Variants in SUGCT observed in about 807,000 individuals in gnomAD.
SUGCT encodes succinyl-CoA:glutarate-CoA transferase, also known as succinyl-CoA:glutarate CoA-transferase.
SUGCT carries 41 observed loss-of-function variants against 55.0 expected under a neutral mutation model. The observed-to-expected ratio is 0.74, with a 90% CI of 0.58 to 0.97. The LOEUF (loss-of-function observed/expected upper bound fraction) is 0.97. SUGCT is among the 50% of genes least tolerant of loss of function. SUGCT has a pLI of 0.00. For missense variants in SUGCT, 568 were observed against 547.8 expected (o/e 1.04, Z -0.37); for synonymous variants, 187 against 200.4 (o/e 0.93, Z 0.56).
intron 9 of SUGCT, among the ~76,000 whole-genome samples, chr7:40,324,651 A>G (rs953376674): frequency 6.6e-6 from 1 of 152,156 alleles, no homozygotes; most frequent in Non-Finnish European, 1.5e-5. Context: ...ATGTGCTACT[A>G]TACAGGACTC....
At chr7:40,335,102 A>T (rs1020209857) in intron 9 of SUGCT, among the ~76,000 whole-genome samples, 3 of 151,996 alleles carry the variant, frequency 2.0e-5, no homozygotes, top group East Asian at 1.9e-4. Flanking sequence ...GTTCTGTTCC[A>T]TTGGTCTATA....
chr7:40,640,333 G>T (rs1800214622), intron 12 of SUGCT, among the ~76,000 whole-genome samples: 1 of 152,108 alleles, frequency 6.6e-6, no homozygotes, highest in Non-Finnish European at 1.5e-5. Context: ...CCTTATCCTG[G>T]ATATATTTTG....
chr7:40,526,396 C>G (rs1793799404), intron 12 of SUGCT, among the ~76,000 whole-genome samples: 1 of 152,180 alleles, frequency 6.6e-6, no homozygotes, highest in Non-Finnish European at 1.5e-5. Flanking sequence ...GACTTCTCTA[C>G]TTGTTACTGA....
chr7:40,413,777 G>C (rs1786821773), intron 9 of SUGCT, among the ~76,000 whole-genome samples: 1 of 152,080 alleles, frequency 6.6e-6, no homozygotes, highest in East Asian at 1.9e-4. Context: ...TCCATAAAAA[G>C]AATGCACAAA....
chr7:40,977,446 G>A, the SUGCT span, among the ~76,000 whole-genome samples: 2 of 152,144 alleles, frequency 1.3e-5, no homozygotes, highest in Non-Finnish European at 2.9e-5. Context: ...GAGTCTTTGC[G>A]AATTTGCAAA....
intron 13 of SUGCT, among the ~76,000 whole-genome samples, chr7:40,806,631 T>A (rs2128753726): frequency 6.6e-6 from 1 of 152,330 alleles, no homozygotes; most frequent in East Asian, 1.9e-4. Context: ...ATATTGATTC[T>A]GAAATCAGGT....
At chr7:40,859,869 C>T (rs989374999) in intron 13 of SUGCT, among the ~76,000 whole-genome samples, 1 of 152,198 alleles carries the variant, frequency 6.6e-6, no homozygotes, top group Non-Finnish European at 1.5e-5. Context: ...TTGAACTAAA[C>T]CTTGGAACTA....
chr7:40,763,281 T>C (rs1481079158), intron 13 of SUGCT, among the ~76,000 whole-genome samples: 2 of 152,154 alleles, frequency 1.3e-5, no homozygotes, highest in African/African-American at 4.8e-5. Context: ...AATCAGCACA[T>C]GGACTCTCGG....
chr7:40,681,801 T>A (rs1314549942), intron 12 of SUGCT, among the ~76,000 whole-genome samples: 1 of 152,128 alleles, frequency 6.6e-6, no homozygotes, highest in African/African-American at 2.4e-5. Flanking sequence ...AAGCTTTGTT[T>A]AAAATTGGGG....
chr7:40,627,507 A>G (rs10264524), intron 12 of SUGCT, among the ~76,000 whole-genome samples: 6,634 of 152,202 alleles, frequency 0.044, 486 homozygotes, highest in African/African-American at 0.15. Context: ...CAGAGGCTAA[A>G]ATGAAGTTAC....
At chr7:41,026,654 C>T in the SUGCT span, among the ~76,000 whole-genome samples, 2 of 152,206 alleles carry the variant, frequency 1.3e-5, no homozygotes, top group African/African-American at 4.8e-5. Flanking sequence ...TGCCCATCTA[C>T]GTGAGAAGTC....
intron 13 of SUGCT, among the ~76,000 whole-genome samples, chr7:40,829,266 C>A (rs1013575): frequency 0.019 from 2,927 of 151,952 alleles, 149 homozygotes; most frequent in East Asian, 0.098. Context: ...ATAAGGACTG[C>A]TGCTGCTGCT....
chr7:40,922,453 C>T, the SUGCT span, among the ~76,000 whole-genome samples: 1 of 152,168 alleles, frequency 6.6e-6, no homozygotes, highest in Middle Eastern at 3.2e-3. Flanking sequence ...ATTCACGCCT[C>T]AGGAGTCAGA....
At chr7:40,288,622 TG>T (rs1202104540) in intron 8 of SUGCT, among the ~76,000 whole-genome samples, 1 of 152,106 alleles carries the variant, frequency 6.6e-6, no homozygotes, top group East Asian at 1.9e-4. Context: ...TCATCTTTTT[TG>T]AGTGTGCTTA....
At chr7:40,240,328 A>G (rs532217956) in intron 7 of SUGCT, among the ~76,000 whole-genome samples, 2 of 152,246 alleles carry the variant, frequency 1.3e-5, no homozygotes, top group East Asian at 1.9e-4. Context: ...TACTAAAAAT[A>G]CAAAATTAGC....
intron 6 of SUGCT, chr7:40,217,451 A>G (rs1787735431): frequency 2.2e-6 from 1 of 446,264 alleles, no homozygotes; most frequent in Non-Finnish European, 4.5e-6. Context: ...ACCTCAAGCA[A>G]TCTGCCGGCT....
chr7:40,395,963 A>G (rs1015450276), intron 9 of SUGCT, among the ~76,000 whole-genome samples: 2 of 152,216 alleles, frequency 1.3e-5, no homozygotes, highest in African/African-American at 4.8e-5. Flanking sequence ...GAATTTATTC[A>G]ACAGCCTCTA....
intron 12 of SUGCT, among the ~76,000 whole-genome samples, chr7:40,664,979 CAAAAAA>C (rs11344902): frequency 1.8e-5 from 2 of 109,408 alleles, no homozygotes; most frequent in Non-Finnish European, 4.1e-5. Context: ...GACTCTGTCT[CAAAAAA>C]AAAAAAAAAA....
At chr7:40,276,636 G>A (rs144458489) in intron 8 of SUGCT, among the ~76,000 whole-genome samples, 159 of 152,226 alleles carry the variant, frequency 1.0e-3, no homozygotes, top group African/African-American at 3.6e-3. Context: ...TTCACTTCTA[G>A]CATCTAACTA....
Sources: allele counts gnomAD v4.1 joint callset (sites outside exome capture counted in the v4.1 genomes callset), GRCh38; gene constraint gnomAD v4.1.1; transcripts MANE v1.5; gene names NCBI Gene and HGNC (gene_info 2026-07-23, HGNC 2026-07-21).